Variants in EFHC2 observed in about 807,000 individuals in gnomAD.
The protein encoded by EFHC2 is EF-hand domain containing 2.
In EFHC2, 18 loss-of-function variants were observed where a neutral mutation model predicts 52.7. The observed-to-expected ratio is 0.34, with a 90% CI of 0.24 to 0.51. EFHC2 has a LOEUF of 0.51. Among genes scored for constraint, EFHC2 ranks in the 20% least tolerant of loss-of-function variants. The probability of loss-of-function intolerance (pLI) is 0.97; values close to 1 mark genes in which losing one functional copy is unlikely to be tolerated. For missense variants in EFHC2, 513 were observed against 562.5 expected, an observed-to-expected ratio of 0.91 and a Z score of 0.89; for synonymous variants, 203 against 204.1, an observed-to-expected ratio of 0.99 and a Z score of 0.04.
intron 7 of EFHC2, among the ~76,000 whole-genome samples, chrX:44,244,739 C>A (rs2037386211): frequency 8.9e-6 from 1 of 112,018 alleles, no homozygotes; most frequent in South Asian, 3.7e-4. Flanking sequence ...ACGTTCACTG[C>A]TTATGTTCTA....
chrX:44,236,149 T>C (rs1403536096), intron 8 of EFHC2, among the ~76,000 whole-genome samples: 1 of 111,761 alleles, frequency 8.9e-6, no homozygotes, highest in Non-Finnish European at 1.9e-5. Context: ...ATTCAATAAA[T>C]GTTTATGGAA....
intron 14 of EFHC2, among the ~76,000 whole-genome samples, chrX:44,149,212 C>A (rs983099172): frequency 1.3e-4 from 15 of 112,104 alleles, no homozygotes; most frequent in Non-Finnish European, 1.9e-5. Context: ...ATATCATGGA[C>A]AGAGGCTCTA....
intron 10 of EFHC2, among the ~76,000 whole-genome samples, chrX:44,230,478 G>T (rs1179214911): frequency 9.0e-6 from 1 of 111,592 alleles, no homozygotes; most frequent in Admixed American, 9.5e-5. Flanking sequence ...GATCCAGGTG[G>T]TTTGGCACCT....
At chrX:44,323,872 A>G (rs748659272) in intron 1 of EFHC2, among the ~76,000 whole-genome samples, 2 of 111,378 alleles carry the variant, frequency 1.8e-5, no homozygotes, top group Admixed American at 1.9e-4. Context: ...ACCTGACTCC[A>G]TCCTGCTTCT....
rs1390537865 is a variant in EFHC2, at chrX:44,343,631, C to T, written c.-43G>A. On this transcript the variant is annotated 5_prime_UTR_variant, in exon 1 of 15. Coordinates refer to ENST00000420999, the MANE Select transcript of EFHC2 (RefSeq NM_025184.4). ...AATCCAGGGTCCCAGAAGAGAGGGC[C>T]CGGCAGGCAGCGGCGCCTCCCGGCC... 6 of 1,070,259 alleles carry T rather than the reference C, an allele frequency of 5.6e-6. No homozygotes were observed. The highest frequency in any genetic ancestry group is 3.5e-5 in the African/African-American group (1 of 28,809). The allele number at this position is 1,070,259 out of a possible 1,213,427, so 88.2% of individuals were successfully genotyped here. A position where few individuals can be genotyped will look rare whatever the true frequency, so the allele number is the denominator to read the frequency against.
chrX:44,337,155 A>G (rs1418075885), intron 1 of EFHC2, among the ~76,000 whole-genome samples: 3 of 111,813 alleles, frequency 2.7e-5, no homozygotes, highest in Non-Finnish European at 5.6e-5. Context: ...AAACAGAAAT[A>G]ACTTGAATTA....
chrX:44,158,227 T>C (rs899192977), intron 14 of EFHC2, among the ~76,000 whole-genome samples: 2 of 112,001 alleles, frequency 1.8e-5, no homozygotes, highest in African/African-American at 6.5e-5. Flanking sequence ...TACTGAAGCC[T>C]ACTCAGCTTT....
At chrX:44,178,337 A>G (rs2036806091) in intron 12 of EFHC2, 30 bp downstream of exon 12, 14 of 1,112,161 alleles carry the variant, frequency 1.3e-5, no homozygotes, top group Non-Finnish European at 1.7e-5. Context: ...AGAAATGTAA[A>G]TGATTAGAAT....
chrX:44,279,068 G>A (rs1027573188), intron 2 of EFHC2, among the ~76,000 whole-genome samples: 31 of 112,307 alleles, frequency 2.8e-4, no homozygotes, highest in African/African-American at 9.4e-4. Flanking sequence ...AAGGCCGGGC[G>A]CAGTAGCTCA....
intron 11 of EFHC2, among the ~76,000 whole-genome samples, chrX:44,223,740 T>C (rs945738610): frequency 1.5e-4 from 17 of 112,395 alleles, no homozygotes; most frequent in African/African-American, 5.2e-4. Context: ...AGACAGGCTA[T>C]GAATACTGTC....
chrX:44,320,485 T>A (rs1361566659), intron 1 of EFHC2, among the ~76,000 whole-genome samples: 1 of 111,602 alleles, frequency 9.0e-6, no homozygotes. Context: ...GATAAAGCCA[T>A]GCAACTAAGC....
At chrX:44,257,732 C>A (rs1398314078) in intron 4 of EFHC2, among the ~76,000 whole-genome samples, 1 of 111,605 alleles carries the variant, frequency 9.0e-6, no homozygotes, top group Non-Finnish European at 1.9e-5. Flanking sequence ...AGATTCAATG[C>A]CATCTCCATC....
At chrX:44,283,593 A>G (rs1377768569) in intron 2 of EFHC2, among the ~76,000 whole-genome samples, 1 of 93,834 alleles carries the variant, frequency 1.1e-5, no homozygotes, top group East Asian at 3.3e-4. Context: ...CATTTGGGAC[A>G]GTCTTAGGAG....
chrX:44,210,626 C>T (rs1011368764), intron 11 of EFHC2, among the ~76,000 whole-genome samples: 6 of 112,197 alleles, frequency 5.3e-5, no homozygotes, highest in East Asian at 5.6e-4. Flanking sequence ...CATGTGCAAA[C>T]GAGCAAAACT....
chrX:44,309,346 CT>C, intron 2 of EFHC2: 1 of 772,618 alleles, frequency 1.3e-6, no homozygotes, highest in Non-Finnish European at 2.0e-6. Context: ...AAAGAATTCT[CT>C]TTTGGACTTG....
chrX:44,192,242 T>C (rs2036927293), intron 11 of EFHC2, among the ~76,000 whole-genome samples: 1 of 111,891 alleles, frequency 8.9e-6, no homozygotes, highest in African/African-American at 3.2e-5. Flanking sequence ...AGAAACTAGA[T>C]ATTTTTTGTT....
intron 1 of EFHC2, among the ~76,000 whole-genome samples, chrX:44,332,281 G>A (rs2038091696): frequency 9.0e-6 from 1 of 111,451 alleles, no homozygotes; most frequent in African/African-American, 3.3e-5. Flanking sequence ...AGAAGAAAAG[G>A]TAGTCTAAAT....
At chrX:44,201,993 C>G (rs2037009449) in intron 11 of EFHC2, among the ~76,000 whole-genome samples, 1 of 111,169 alleles carries the variant, frequency 9.0e-6, no homozygotes, top group Admixed American at 9.5e-5. Flanking sequence ...TCTGCTATTA[C>G]TACTCACATG....
intron 9 of EFHC2, among the ~76,000 whole-genome samples, chrX:44,234,703 A>G (rs1453537173): frequency 8.9e-6 from 1 of 112,054 alleles, no homozygotes; most frequent in African/African-American, 3.2e-5. Flanking sequence ...ATGTTGAGAC[A>G]AAGAACAGGA....
Sources: gnomAD v4.1 joint callset for allele counts (sites outside exome capture counted in the v4.1 genomes callset) on GRCh38, gnomAD v4.1.1 for gene constraint, MANE v1.5 for transcripts, NCBI Gene and HGNC (gene_info 2026-07-23, HGNC 2026-07-21) for gene names.